The following CAMTA1 variants were observed in gnomAD, a reference collection of about 807,000 sequenced individuals.
CAMTA1 encodes calmodulin-binding transcription activator 1.
Under a neutral mutation model 170.9 loss-of-function variants are expected in CAMTA1, and 27 were observed. That is an observed-to-expected ratio of 0.16 (90% CI 0.12 to 0.22). The LOEUF (loss-of-function observed/expected upper bound fraction) is 0.22, where lower values mean the gene tolerates loss of function less well. CAMTA1 is among the 10% of genes least tolerant of loss of function. The pLI is 1.00. For missense variants in CAMTA1, 1,619 were observed against 2,217.2 expected (o/e 0.73, Z 5.42); for synonymous variants, 833 against 891.5 (o/e 0.93, Z 1.17).
In CAMTA1 at chr1:7,575,962, A is replaced by G. The variant is rs1157305134; in HGVS notation, c.511-64438A>G. ...GGGCGATCAAGGAAATGGAGCAAGGAGGCGGGCCTGACTGCAGGAGGCTCA... is the reference window on the plus strand; with the variant it reads ...GGGCGATCAAGGAAATGGAGCAAGGGGGCGGGCCTGACTGCAGGAGGCTCA... On this transcript the variant is annotated intron_variant, in intron 6 of 22. Coordinates refer to ENST00000303635, the MANE Select transcript of CAMTA1 (RefSeq NM_015215.4). 3.3e-5 allele frequency among the ~76,000 whole-genome samples: 5 copies of G among 152,162 alleles called. No homozygotes were observed. In the East Asian group the frequency reaches 9.7e-4, roughly 29 times the overall value.
intron 4 of CAMTA1, among the ~76,000 whole-genome samples, chr1:7,091,694 A>G (rs1484459244): frequency 6.6e-6 from 1 of 152,226 alleles, no homozygotes; most frequent in African/African-American, 2.4e-5. Flanking sequence ...GCCTGCCACT[A>G]GTGTTCTCTA....
At chr1:7,603,235 C>G (rs2095460968) in intron 6 of CAMTA1, among the ~76,000 whole-genome samples, 1 of 152,142 alleles carries the variant, frequency 6.6e-6, no homozygotes, top group South Asian at 2.1e-4. Context: ...TCCTGGATAT[C>G]CTTGTTAACT....
At chr1:6,907,430 T>A (rs1678767117) in intron 3 of CAMTA1, among the ~76,000 whole-genome samples, 1 of 152,020 alleles carries the variant, frequency 6.6e-6, no homozygotes, top group Non-Finnish European at 1.5e-5. Flanking sequence ...GGTTTTCAAG[T>A]GTGAGTGGGT....
intron 11 of CAMTA1, among the ~76,000 whole-genome samples, chr1:7,699,637 A>C (rs1016402771): frequency 1.3e-5 from 2 of 152,190 alleles, no homozygotes; most frequent in African/African-American, 4.8e-5. Context: ...TTCCACCACC[A>C]GTGTACAAAA....
At chr1:7,032,080 C>T (rs556509475) in intron 3 of CAMTA1, among the ~76,000 whole-genome samples, 1 of 152,218 alleles carries the variant, frequency 6.6e-6, no homozygotes, top group East Asian at 1.9e-4. Flanking sequence ...ATTTTCCTCC[C>T]TCAGCCTCCT....
intron 6 of CAMTA1, among the ~76,000 whole-genome samples, chr1:7,574,585 G>A (rs2095167655): frequency 6.6e-6 from 1 of 152,186 alleles, no homozygotes; most frequent in Admixed American, 6.5e-5. Context: ...TTTAACTCCA[G>A]GATCAGCAGG....
At chr1:7,192,916 G>T (rs1040727970) in intron 4 of CAMTA1, among the ~76,000 whole-genome samples, 1 of 152,152 alleles carries the variant, frequency 6.6e-6, no homozygotes, top group African/African-American at 2.4e-5. Context: ...TGCTGTGAAG[G>T]TCTCTGCAGA....
At chr1:7,017,682 C>G (rs1452316775) in intron 3 of CAMTA1, among the ~76,000 whole-genome samples, 3 of 152,194 alleles carry the variant, frequency 2.0e-5, no homozygotes, top group African/African-American at 7.2e-5. Context: ...GCTTCCTTTC[C>G]TGGGATCGCC....
At chr1:7,082,490 T>C (rs889531940) in intron 3 of CAMTA1, among the ~76,000 whole-genome samples, 1 of 151,196 alleles carries the variant, frequency 6.6e-6, no homozygotes, top group African/African-American at 2.4e-5. Flanking sequence ...GATAGATAGA[T>C]AGCACAGCTC....
intron 7 of CAMTA1, among the ~76,000 whole-genome samples, chr1:7,648,678 G>A (rs1000567393): frequency 6.6e-5 from 10 of 152,166 alleles, no homozygotes; most frequent in African/African-American, 1.9e-4. Flanking sequence ...GAGCCGAGCC[G>A]GCTGCAGTCT....
intron 5 of CAMTA1, among the ~76,000 whole-genome samples, chr1:7,365,300 A>T (rs180744925): frequency 6.6e-6 from 1 of 152,196 alleles, no homozygotes; most frequent in African/African-American, 2.4e-5. Context: ...CCCTCGAATT[A>T]TCTCTAGAGT....
chr1:7,629,345 T>C (rs1285533557), intron 6 of CAMTA1, among the ~76,000 whole-genome samples: 1 of 152,188 alleles, frequency 6.6e-6, no homozygotes, highest in Non-Finnish European at 1.5e-5. Context: ...CAAAGAGAGA[T>C]GGCCCCCAGC....
chr1:7,697,866 C>A (rs1459033081), intron 11 of CAMTA1, among the ~76,000 whole-genome samples: 3 of 152,216 alleles, frequency 2.0e-5, no homozygotes, highest in Non-Finnish European at 2.9e-5. Flanking sequence ...ACATCACTGT[C>A]AGGACCATTA....
chr1:7,732,297 C>G lies in CAMTA1; in HGVS notation c.2915-151C>G, dbSNP rs139204490. 26 of 631,946 alleles carry G rather than the reference C, an allele frequency of 4.1e-5. No homozygotes were observed. The East Asian group carries it at 7.2e-4, about 18-fold the overall frequency. The allele number at this position is 631,946 out of a possible 1,614,324, so 39.1% of individuals were successfully genotyped here. ...TGTGAGGTGGTGACAGATTCACGAT[C>G]GTGCTGGGGAACTCTGGCTGGCGGA... On this transcript the variant is annotated intron_variant, in intron 11 of 22. Transcript: ENST00000303635. The surrounding 1 kb of genome is among the most constrained non-coding windows in gnomAD (Gnocchi z 4.1).
intron 3 of CAMTA1, among the ~76,000 whole-genome samples, chr1:7,013,920 C>G (rs578231420): frequency 2.0e-5 from 3 of 152,344 alleles, no homozygotes; most frequent in African/African-American, 7.2e-5. Flanking sequence ...AGCTGAGAGC[C>G]TCCTCCAAAG....
chr1:7,414,910 C>T (rs988406779), intron 5 of CAMTA1, among the ~76,000 whole-genome samples: 65 of 152,026 alleles, frequency 4.3e-4, no homozygotes, highest in Non-Finnish European at 6.9e-4. Flanking sequence ...CTATAAATTT[C>T]CCTCTACACA....
chr1:7,049,593 A>G (rs1705977449), intron 3 of CAMTA1, among the ~76,000 whole-genome samples: 1 of 151,904 alleles, frequency 6.6e-6, no homozygotes, highest in South Asian at 2.1e-4. Context: ...AGTAGCTGGG[A>G]TTATAGGGGC....
At chr1:7,487,793 C>G (rs574696755) in intron 6 of CAMTA1, among the ~76,000 whole-genome samples, 1 of 152,338 alleles carries the variant, frequency 6.6e-6, no homozygotes, top group East Asian at 1.9e-4. Context: ...GAAGGGATCC[C>G]AGGCCCTTGT....
At chr1:7,428,212 G>A (rs2091965048) in intron 5 of CAMTA1, among the ~76,000 whole-genome samples, 1 of 152,132 alleles carries the variant, frequency 6.6e-6, no homozygotes, top group African/African-American at 2.4e-5. Flanking sequence ...CACAGCCTGG[G>A]GCAGGGAAAG....
Sources: gnomAD v4.1 joint callset for allele counts (sites outside exome capture counted in the v4.1 genomes callset) on GRCh38, gnomAD v4.1.1 for gene constraint, Gnocchi (gnomAD v3.1) non-coding constraint, MANE v1.5 for transcripts, NCBI Gene and HGNC (gene_info 2026-07-23, HGNC 2026-07-21) for gene names.